Variants in RANBP2 observed in about 807,000 individuals in gnomAD.
The protein encoded by RANBP2 is RAN binding protein 2.
Under a neutral mutation model 303.6 loss-of-function variants are expected in RANBP2, and 57 were observed. That is an observed-to-expected ratio of 0.19 (90% confidence interval 0.15 to 0.23). The LOEUF is 0.23. Ranked by LOEUF, RANBP2 falls within the 10% of genes least tolerant of loss-of-function variation. The pLI is 1.00. For synonymous variants in RANBP2, 1,167 were observed against 1,301.5 expected (o/e 0.90, Z 2.23); for missense variants, 3,138 against 3,780.8 (o/e 0.83, Z 4.46).
At chr2:109,265,675 A>T in the RANBP2 span, among the ~76,000 whole-genome samples, 1 of 152,356 alleles carries the variant, frequency 6.6e-6, no homozygotes, top group Non-Finnish European at 1.5e-5. Context: ...ATTTGGGTTG[A>T]ATTTATAGCC....
At chr2:109,594,383 G>T in the RANBP2 span, among the ~76,000 whole-genome samples, 1 of 152,064 alleles carries the variant, frequency 6.6e-6, no homozygotes, top group Non-Finnish European at 1.5e-5. Flanking sequence ...AGACCCTTAC[G>T]CATCCTTCCA....
At chr2:109,552,366 C>A in the RANBP2 span, among the ~76,000 whole-genome samples, 1 of 152,124 alleles carries the variant, frequency 6.6e-6, no homozygotes, top group African/African-American at 2.4e-5. Context: ...ACAACCACCC[C>A]AGCAACACTC....
chr2:108,920,274 G>C, the RANBP2 span, among the ~76,000 whole-genome samples: 2 of 152,112 alleles, frequency 1.3e-5, no homozygotes, highest in Non-Finnish European at 2.9e-5. Context: ...CAACAATCAT[G>C]TCCCCATTTT....
chr2:109,212,064 A>G, the RANBP2 span, among the ~76,000 whole-genome samples: 6,812 of 152,242 alleles, frequency 0.045, 498 homozygotes, highest in African/African-American at 0.15. Flanking sequence ...TTCCAGGGAG[A>G]TAGCGAAACT....
chr2:108,915,629 G>A, the RANBP2 span, among the ~76,000 whole-genome samples: 2 of 152,212 alleles, frequency 1.3e-5, no homozygotes, highest in African/African-American at 4.8e-5. Context: ...CCCAGGCACG[G>A]TGGCTCATGC....
At chr2:109,681,229 A>C in the RANBP2 span, among the ~76,000 whole-genome samples, 1 of 152,154 alleles carries the variant, frequency 6.6e-6, no homozygotes, top group Non-Finnish European at 1.5e-5. Context: ...TAAAACTACT[A>C]ATGTATGAAG....
At chr2:109,290,325 C>A in the RANBP2 span, among the ~76,000 whole-genome samples, 1 of 152,218 alleles carries the variant, frequency 6.6e-6, no homozygotes, top group African/African-American at 2.4e-5. Context: ...GCACGTAATA[C>A]ATACTTATTA....
At chr2:109,394,152 A>G in the RANBP2 span, among the ~76,000 whole-genome samples, 2 of 152,246 alleles carry the variant, frequency 1.3e-5, no homozygotes, top group South Asian at 4.1e-4. Flanking sequence ...GAAACTCTTC[A>G]GTTTTTCTTA....
At chr2:109,272,630 G>T in the RANBP2 span, among the ~76,000 whole-genome samples, 23 of 152,334 alleles carry the variant, frequency 1.5e-4, no homozygotes, top group East Asian at 4.2e-3. Flanking sequence ...ACATGCTTCC[G>T]CACAGACACA....
At chr2:109,307,234 C>CA in the RANBP2 span, among the ~76,000 whole-genome samples, 82 of 152,252 alleles carry the variant, frequency 5.4e-4, no homozygotes, top group African/African-American at 1.9e-3. Flanking sequence ...TACCTTTTTG[C>CA]ACATTGGACT....
intron 20 of RANBP2, 88 bp from the exon 21 acceptor site, chr2:108,771,613 T>C: frequency 6.3e-7 from 1 of 1,583,866 alleles, no homozygotes; most frequent in Non-Finnish European, 8.5e-7. Context: ...AACCTATAGA[T>C]AGGTTCCATG....
At chr2:108,969,542 T>C in the RANBP2 span, among the ~76,000 whole-genome samples, 1 of 152,264 alleles carries the variant, frequency 6.6e-6, no homozygotes, top group Admixed American at 6.5e-5. Context: ...TTATATGCTA[T>C]TCAGGGAGGG....
the RANBP2 span, among the ~76,000 whole-genome samples, chr2:109,587,391 C>A: frequency 6.6e-6 from 1 of 151,658 alleles, no homozygotes. Context: ...ATCAAATGAT[C>A]TAACATACCA....
the RANBP2 span, among the ~76,000 whole-genome samples, chr2:109,070,919 C>T: frequency 2.0e-5 from 3 of 152,030 alleles, no homozygotes; most frequent in African/African-American, 4.8e-5. Flanking sequence ...CTCCCTCTCT[C>T]GCCATGTGGG....
chr2:109,272,579 G>A, the RANBP2 span, among the ~76,000 whole-genome samples: 3 of 152,218 alleles, frequency 2.0e-5, no homozygotes, highest in African/African-American at 4.8e-5. Context: ...GGCTCAGAGC[G>A]CTCGTTCCTT....
chr2:109,242,353 A>T, the RANBP2 span, among the ~76,000 whole-genome samples: 10 of 152,136 alleles, frequency 6.6e-5, no homozygotes, highest in African/African-American at 2.4e-4. Flanking sequence ...GCTGGCTGCT[A>T]CACTGAGGAC....
chr2:109,467,456 C>G, the RANBP2 span, among the ~76,000 whole-genome samples: 1 of 152,134 alleles, frequency 6.6e-6, no homozygotes, highest in Non-Finnish European at 1.5e-5. Flanking sequence ...GAAAGCAGCT[C>G]GGGGGTTTCC....
chr2:109,574,187 C>T, the RANBP2 span, among the ~76,000 whole-genome samples: 1 of 151,802 alleles, frequency 6.6e-6, no homozygotes, highest in Non-Finnish European at 1.5e-5. Flanking sequence ...GCCTGTAGTT[C>T]TAGCACTTCA....
the RANBP2 span, among the ~76,000 whole-genome samples, chr2:109,481,659 C>T: frequency 6.6e-6 from 1 of 152,198 alleles, no homozygotes; most frequent in African/African-American, 2.4e-5. Flanking sequence ...AGGGGCTGGA[C>T]ATGTGGATGG....
Sources: gnomAD v4.1 joint callset for allele counts (sites outside exome capture counted in the v4.1 genomes callset) on GRCh38, gnomAD v4.1.1 for gene constraint, MANE v1.5 for transcripts, NCBI Gene and HGNC (gene_info 2026-07-23, HGNC 2026-07-21) for gene names.